C11orf97: variants seen among roughly 807,000 people sequenced by gnomAD.
C11orf97 encodes chromosome 11 open reading frame 97.
C11orf97 carries 15 observed loss-of-function variants against 16.2 expected under a neutral mutation model. The ratio of observed to expected loss-of-function variants is 0.93; its 90% CI spans 0.62 to 1.43. C11orf97 has a LOEUF of 1.43. Ranked by LOEUF, C11orf97 falls within the 40% of genes most tolerant of loss-of-function variation. C11orf97 has a pLI of 0.00. For synonymous variants in C11orf97, 61 were observed against 65.7 expected, an observed-to-expected ratio of 0.93 and a Z score of 0.34; for missense variants, 171 against 161.2, an observed-to-expected ratio of 1.06 and a Z score of -0.33.
chr11:94,531,249 G>A (rs1947735991), intron 3 of C11orf97, among the ~76,000 whole-genome samples: 1 of 152,054 alleles, frequency 6.6e-6, no homozygotes, highest in Non-Finnish European at 1.5e-5. Flanking sequence ...AGACCAGCCT[G>A]GTCAACATGG....
At chr11:94,515,314 C>CA (rs555535218) in intron 1 of C11orf97, among the ~76,000 whole-genome samples, 2,661 of 150,484 alleles carry the variant, frequency 0.018, 69 homozygotes, top group African/African-American at 0.06. Context: ...CAAAAAACAA[C>CA]AAAAAAAAAT....
intron 2 of C11orf97, among the ~76,000 whole-genome samples, chr11:94,517,935 G>A (rs1220878612): frequency 6.6e-6 from 1 of 152,100 alleles, no homozygotes; most frequent in Non-Finnish European, 1.5e-5. Flanking sequence ...GGATCACGAG[G>A]TCAGGAGATT....
chr11:94,515,714 C>T lies in C11orf97; in HGVS notation c.146-1869C>T, dbSNP rs138200825. Among the ~76,000 whole-genome samples the T allele has an allele frequency of 8.8e-4, 134 of 151,672 alleles. 1 individual carries two copies. In the East Asian group the frequency reaches 0.025, roughly 28 times the overall value. ...TTCCTTCCTGGCCAAGTTTGTGAAA[C>T]CTTTTTCTGCCTGAAAGTTCTGCCC... On this transcript the variant is annotated intron_variant, in intron 1 of 3. Transcript: ENST00000542198.
At chr11:94,519,622 A>G (rs2135179766) in intron 2 of C11orf97, among the ~76,000 whole-genome samples, 1 of 152,340 alleles carries the variant, frequency 6.6e-6, no homozygotes, top group South Asian at 2.1e-4. Flanking sequence ...ATCTTTTCAA[A>G]TATCCTTTAT....
chr11:94,531,460 A>G (rs1243309811), intron 3 of C11orf97, among the ~76,000 whole-genome samples: 1 of 142,788 alleles, frequency 7.0e-6, no homozygotes, highest in Non-Finnish European at 1.5e-5. Flanking sequence ...CAAACAAACA[A>G]ACGGTAATGG....
intron 3 of C11orf97, among the ~76,000 whole-genome samples, chr11:94,529,256 A>G (rs1947721030): frequency 6.6e-6 from 1 of 152,196 alleles, no homozygotes; most frequent in Non-Finnish European, 1.5e-5. Context: ...AGAGTTCAAT[A>G]AAAGTGTCAC....
At chr11:94,531,125 G>T (rs1020628053) in intron 3 of C11orf97, among the ~76,000 whole-genome samples, 3 of 152,110 alleles carry the variant, frequency 2.0e-5, no homozygotes, top group East Asian at 1.9e-4. Flanking sequence ...TTCCATTAGA[G>T]ACTGTGAAGC....
chr11:94,531,995 T>G lies in C11orf97; in HGVS notation c.*95T>G. ...AGCTTGTTTCAGGATTTAAGATGTG[T>G]GCAAAAAAATGATAGCCTGTAATTA... On this transcript the variant is annotated 3_prime_UTR_variant, in exon 4 of 4. Transcript: ENST00000542198. 2 of 1,002,966 alleles carry G rather than the reference T, an allele frequency of 2.0e-6. No individual in the cohort carries two copies. Among genetic ancestry groups the G allele is most frequent in the Non-Finnish European group, 2.8e-6 (2 of 727,200 alleles). The allele number at this position is 1,002,966 out of a possible 1,614,324, so 62.1% of individuals were successfully genotyped here.
At chr11:94,524,577 C>A (rs1280904139) in intron 2 of C11orf97, among the ~76,000 whole-genome samples, 2 of 112,290 alleles carry the variant, frequency 1.8e-5, no homozygotes, top group Admixed American at 1.1e-4. Flanking sequence ...AAAAGGTTAA[C>A]CTCATCCTGA....
chr11:94,520,254 G>A (rs1446050004), intron 2 of C11orf97, among the ~76,000 whole-genome samples: 1 of 152,144 alleles, frequency 6.6e-6, no homozygotes, highest in Non-Finnish European at 1.5e-5. Context: ...TGATGTAGTT[G>A]TTTCCTCCTT....
At chr11:94,529,523 T>G (rs1489002799) in intron 3 of C11orf97, among the ~76,000 whole-genome samples, 1 of 152,332 alleles carries the variant, frequency 6.6e-6, no homozygotes, top group East Asian at 1.9e-4. Context: ...GTAATCCACA[T>G]GATCATATGA....
intron 2 of C11orf97, among the ~76,000 whole-genome samples, chr11:94,520,239 A>T (rs1289578901): frequency 6.6e-6 from 1 of 152,156 alleles, no homozygotes; most frequent in Non-Finnish European, 1.5e-5. Flanking sequence ...CCTCTCTGTA[A>T]CATCTGATGT....
chr11:94,518,149 G>GAAAAAAA lies in C11orf97; in HGVS notation c.250+473_250+479dup, dbSNP rs370762855. Among the ~76,000 whole-genome samples the GAAAAAAA allele has an allele frequency of 1.5e-3, 160 of 108,868 alleles. 3 individuals carry two copies. Among genetic ancestry groups the GAAAAAAA allele is most frequent in the African/African-American group, 5.2e-3 (145 of 27,706 alleles). The allele number at this position is 108,868 out of a possible 152,430, so 71.4% of individuals were successfully genotyped here. A position where few individuals can be genotyped will look rare whatever the true frequency, so the allele number is the denominator to read the frequency against. On this transcript the variant is annotated intron_variant, in intron 2 of 3. Coordinates refer to ENST00000542198, the MANE Select transcript of C11orf97 (RefSeq NM_001190462.2). ...GGTGACAGAGCAAGACTCCATATCAGAAAAAAAAAAAAAAAAAGATCTAGA... is the reference window on the plus strand; with the variant it reads ...GGTGACAGAGCAAGACTCCATATCAGAAAAAAAAAAAAAAAAAAAAAAAAGATCTAGA...
chr11:94,525,069 G>GAAAAAAAAA (rs534192532), intron 2 of C11orf97, among the ~76,000 whole-genome samples: 3 of 69,282 alleles, frequency 4.3e-5, no homozygotes, highest in Non-Finnish European at 8.8e-5. Context: ...AAGAAAAAAA[G>GAAAAAAAAA]AAAAAAAAAA....
intron 1 of C11orf97, among the ~76,000 whole-genome samples, chr11:94,514,056 C>T (rs548252224): frequency 1.3e-5 from 2 of 152,308 alleles, no homozygotes; most frequent in East Asian, 1.9e-4. Context: ...GTGATCCGCT[C>T]GCCTCAGCCT....
At chr11:94,522,889 C>A (rs572189012) in intron 2 of C11orf97, among the ~76,000 whole-genome samples, 42 of 152,164 alleles carry the variant, frequency 2.8e-4, no homozygotes, top group Non-Finnish European at 2.9e-5. Flanking sequence ...GGATGGAGCA[C>A]GGAGGATAAA....
intron 2 of C11orf97, among the ~76,000 whole-genome samples, chr11:94,524,088 T>A (rs1947680302): frequency 6.6e-6 from 1 of 152,094 alleles, no homozygotes; most frequent in African/African-American, 2.4e-5. Context: ...ATGATGTTGA[T>A]GTTGGGAATT....
chr11:94,532,118 T>C lies in C11orf97; in HGVS notation c.*218T>C, dbSNP rs920027678. 2.7e-6 allele frequency: 1 copy of C among 367,454 alleles called. No homozygotes were observed. The highest frequency in any genetic ancestry group is 4.8e-6 in the Non-Finnish European group (1 of 206,218). The allele number at this position is 367,454 out of a possible 1,614,324, so 22.8% of individuals were successfully genotyped here. On this transcript the variant is annotated 3_prime_UTR_variant, in exon 4 of 4. Transcript: ENST00000542198. The stretch of plus-strand genomic sequence containing the variant: ...TACCTGAAAACAATAAAGGAAAATA[T>C]ACTTATTTTTAGTTGTCACAGTTAT...
chr11:94,524,195 C>T (rs1947681378), intron 2 of C11orf97, among the ~76,000 whole-genome samples: 1 of 152,062 alleles, frequency 6.6e-6, no homozygotes, highest in Non-Finnish European at 1.5e-5. Context: ...CTTGCAATAA[C>T]CCAGTGAGAT....
Sources: gnomAD v4.1 joint callset for allele counts (sites outside exome capture counted in the v4.1 genomes callset) on GRCh38, gnomAD v4.1.1 for gene constraint, MANE v1.5 for transcripts, NCBI Gene and HGNC (gene_info 2026-07-23, HGNC 2026-07-21) for gene names.